TRAK1: variants seen among roughly 807,000 people sequenced by gnomAD.
TRAK1 encodes the protein trafficking kinesin protein 1.
TRAK1 carries 33 observed loss-of-function variants against 92.1 expected under a neutral mutation model. That is an observed-to-expected ratio of 0.36 (90% CI 0.27 to 0.48). The LOEUF (loss-of-function observed/expected upper bound fraction) is 0.48. Among genes scored for constraint, TRAK1 ranks in the 20% least tolerant of loss-of-function variants. TRAK1 has a pLI of 0.99. For missense variants in TRAK1, 1,123 were observed against 1,257.9 expected (o/e 0.89, Z 1.62); for synonymous variants, 521 against 517.3 (o/e 1.01, Z -0.10).
At chr3:42,177,049 A>G (rs1576808073) in intron 3 of TRAK1, among the ~76,000 whole-genome samples, 159 bp downstream of exon 3, 1 of 152,232 alleles carries the variant, frequency 6.6e-6, no homozygotes, top group Non-Finnish European at 1.5e-5. Context: ...ACTAGTAGCT[A>G]TGTAGGCCTT....
chr3:42,203,975 A>G (rs949685518), intron 13 of TRAK1: 10 of 985,736 alleles, frequency 1.0e-5, no homozygotes, highest in Non-Finnish European at 1.2e-5. Context: ...TTAAAGACCC[A>G]AGACATGACT....
chr3:42,103,452 G>T (rs1460335695), intron 1 of TRAK1, among the ~76,000 whole-genome samples: 2 of 152,142 alleles, frequency 1.3e-5, no homozygotes, highest in Non-Finnish European at 1.5e-5. Flanking sequence ...TGGGATTACA[G>T]GCATGAGCCA....
intron 14 of TRAK1, chr3:42,212,181 A>G (rs1709126495): frequency 1.0e-6 from 1 of 985,482 alleles, no homozygotes; most frequent in Non-Finnish European, 1.2e-6. Context: ...ACACAGGCAG[A>G]CAGATAAGCT....
intron 2 of TRAK1, among the ~76,000 whole-genome samples, chr3:42,131,427 A>G (rs976754800): frequency 2.0e-5 from 3 of 152,170 alleles, no homozygotes; most frequent in Non-Finnish European, 2.9e-5. Context: ...GCTTTAAAAA[A>G]TATAGTCTGC....
chr3:42,030,154 C>T (rs1483622130), intron 1 of TRAK1, among the ~76,000 whole-genome samples: 2 of 152,084 alleles, frequency 1.3e-5, no homozygotes, highest in Non-Finnish European at 2.9e-5. Context: ...TTGTTGTTGG[C>T]TGGGTGTGGT....
intron 1 of TRAK1, among the ~76,000 whole-genome samples, chr3:42,072,380 G>A (rs1055389507): frequency 6.9e-6 from 1 of 145,826 alleles, no homozygotes; most frequent in African/African-American, 2.8e-5. Flanking sequence ...AGCTCTGCTC[G>A]TAAAGGTTCC....
chr3:42,136,638 TAAATAAA>T (rs112075568), intron 2 of TRAK1, among the ~76,000 whole-genome samples: 2,449 of 148,950 alleles, frequency 0.016, 65 homozygotes, highest in African/African-American at 0.056. Context: ...AAAAGAAAAA[TAAATAAA>T]AAATAAATAA....
At chr3:42,018,400 A>G (rs1169740920) in intron 1 of TRAK1, among the ~76,000 whole-genome samples, 1 of 152,098 alleles carries the variant, frequency 6.6e-6, no homozygotes, top group Non-Finnish European at 1.5e-5. Flanking sequence ...GAGCTGGATT[A>G]TTTCTAGGGT....
At chr3:42,112,525 A>G (rs113178511) in intron 1 of TRAK1, among the ~76,000 whole-genome samples, 3,023 of 151,780 alleles carry the variant, frequency 0.02, 110 homozygotes, top group African/African-American at 0.069. Context: ...ACTGGAGCTC[A>G]GGAGTTCGAG....
At chr3:42,022,841 T>C (rs1043299417) in intron 1 of TRAK1, among the ~76,000 whole-genome samples, 16 of 151,770 alleles carry the variant, frequency 1.1e-4, no homozygotes, top group African/African-American at 3.9e-4. Context: ...GTAGAAGTGA[T>C]ACTCATGGAA....
At chr3:42,034,669 T>C (rs564697064) in intron 1 of TRAK1, among the ~76,000 whole-genome samples, 12 of 152,316 alleles carry the variant, frequency 7.9e-5, no homozygotes, top group African/African-American at 2.9e-4. Context: ...TCTCAAACGC[T>C]GTACCTCATG....
chr3:42,166,454 G>A (rs1701878575), intron 2 of TRAK1, among the ~76,000 whole-genome samples: 1 of 152,178 alleles, frequency 6.6e-6, no homozygotes, highest in African/African-American at 2.4e-5. Flanking sequence ...GCTGATTACA[G>A]CATCTAGCAA....
intron 1 of TRAK1, among the ~76,000 whole-genome samples, chr3:42,066,951 T>A (rs577288208): frequency 1.3e-5 from 2 of 152,224 alleles, no homozygotes; most frequent in Non-Finnish European, 2.9e-5. Context: ...GGGATTCTTA[T>A]ACAGAGGCTC....
chr3:42,064,194 G>C (rs1337336996), intron 1 of TRAK1, among the ~76,000 whole-genome samples: 2 of 152,222 alleles, frequency 1.3e-5, no homozygotes, highest in Admixed American at 1.3e-4. Flanking sequence ...GGCGGGCGCT[G>C]TGGCTCAAGC....
chr3:42,088,864 C>T (rs1452043953), upstream of TRAK1, among the ~76,000 whole-genome samples: 3 of 152,196 alleles, frequency 2.0e-5, no homozygotes, highest in Non-Finnish European at 4.4e-5. Flanking sequence ...GGGCCCGGGG[C>T]CCAGCCTTTC....
intron 2 of TRAK1, among the ~76,000 whole-genome samples, chr3:42,166,563 C>T (rs937932864): frequency 2.0e-5 from 3 of 152,182 alleles, no homozygotes; most frequent in African/African-American, 7.2e-5. Flanking sequence ...ATGTTGTGGG[C>T]TTCTTCTGAG....
At chr3:42,203,651 G>C in intron 13 of TRAK1, 1 of 985,234 alleles carries the variant, frequency 1.0e-6, no homozygotes. Context: ...TTAAAACTCT[G>C]TGTTACACTT....
At chr3:42,118,913 G>A (rs771163895) in intron 1 of TRAK1, among the ~76,000 whole-genome samples, 16 of 152,176 alleles carry the variant, frequency 1.1e-4, no homozygotes, top group Non-Finnish European at 2.4e-4. Context: ...AAGACCTAGG[G>A]TGATACTGAG....
intron 6 of TRAK1, among the ~76,000 whole-genome samples, chr3:42,190,934 C>T (rs932475589): frequency 2.0e-5 from 3 of 152,076 alleles, no homozygotes; most frequent in Admixed American, 1.3e-4. Flanking sequence ...CGCCTGGTCT[C>T]GGGGCTTCTT....
Sources: allele counts gnomAD v4.1 joint callset (sites outside exome capture counted in the v4.1 genomes callset), GRCh38; gene constraint gnomAD v4.1.1; transcripts MANE v1.5; gene names NCBI Gene and HGNC (gene_info 2026-07-23, HGNC 2026-07-21).